ECPAS: variants seen among roughly 807,000 people sequenced by gnomAD.
The protein encoded by ECPAS is Ecm29 proteasome adaptor and scaffold, also known as proteasome adapter and scaffold protein ECM29.
In ECPAS, 70 loss-of-function variants were observed where a neutral mutation model predicts 255.1. The ratio of observed to expected loss-of-function variants is 0.27; its 90% CI spans 0.23 to 0.33. The LOEUF (loss-of-function observed/expected upper bound fraction) is 0.33, where lower values mean the gene tolerates loss of function less well. Ranked by LOEUF, ECPAS falls within the 10% of genes least tolerant of loss-of-function variation. The pLI, the probability that ECPAS is intolerant of heterozygous loss-of-function variation, is 1.00. For missense variants in ECPAS, 1,817 were observed against 2,206.4 expected (o/e 0.82, Z 3.54); for synonymous variants, 784 against 775.0 (o/e 1.01, Z -0.19).
chr9:111,374,823 G>A (rs1418305874), intron 38 of ECPAS, among the ~76,000 whole-genome samples: 1 of 152,144 alleles, frequency 6.6e-6, no homozygotes, highest in African/African-American at 2.4e-5. Context: ...ATAACTGGAT[G>A]TGCATTTCCA....
chr9:111,376,174 C>T (rs1407515882), intron 37 of ECPAS, among the ~76,000 whole-genome samples: 3 of 152,184 alleles, frequency 2.0e-5, no homozygotes, highest in Non-Finnish European at 4.4e-5. Flanking sequence ...ACAGGCACAA[C>T]TCTGAACCTT....
Position 111,371,684 on chromosome 9 carries a change from T to G in ECPAS, c.4674A>C (p.Pro1558=), listed in dbSNP as rs771259015. 6.2e-7 allele frequency: 1 copy of G among 1,613,886 alleles called. No homozygotes were observed. Among genetic ancestry groups the G allele is most frequent in the Non-Finnish European group, 8.5e-7 (1 of 1,179,812 alleles). The change falls in exon 43 of 50, where the codon CCA becomes CCC. Residue 1558 remains proline, a synonymous_variant. Transcript: ENST00000684092. ...IAKQTSSLVP[P]YLGMILTALL... is the part of the protein sequence containing the mutation. ...ATGCGGTCAGTATCATTCCGAGATA[T>G]GGAGGTACTAGAGAGCTAGTCTGTT...
chr9:111,364,146 C>T (rs777967075), intron 48 of ECPAS, among the ~76,000 whole-genome samples: 12 of 152,106 alleles, frequency 7.9e-5, no homozygotes, highest in Non-Finnish European at 1.5e-4. Context: ...CCAACAACTG[C>T]GAATGAAACA....
chr9:111,452,903 G>A (rs2098262215), intron 2 of ECPAS, among the ~76,000 whole-genome samples: 1 of 152,124 alleles, frequency 6.6e-6, no homozygotes, highest in Non-Finnish European at 1.5e-5. Context: ...GATTGGGGCA[G>A]GTCAAAAACA....
At chr9:111,435,244 A>G (rs1320775237) in intron 7 of ECPAS, among the ~76,000 whole-genome samples, 1 of 152,166 alleles carries the variant, frequency 6.6e-6, no homozygotes, top group East Asian at 1.9e-4. Context: ...TTGAATATTT[A>G]CATTGTTTAT....
At chr9:111,422,326 T>C (rs1054782082) in intron 13 of ECPAS, 126 bp from the exon 14 acceptor site, 11 of 916,920 alleles carry the variant, frequency 1.2e-5, no homozygotes, top group African/African-American at 1.7e-5. Context: ...TTACCCGCTC[T>C]GAGAGCCAAA....
intron 15 of ECPAS, 101 bp from the exon 16 acceptor site, chr9:111,420,221 T>A: frequency 1.4e-6 from 1 of 696,654 alleles, no homozygotes; most frequent in Middle Eastern, 2.5e-4. Flanking sequence ...TCTTCCTAAC[T>A]GTAAACAATT....
At chr9:111,464,909 C>T (rs930282962) in intron 2 of ECPAS, among the ~76,000 whole-genome samples, 7 of 152,116 alleles carry the variant, frequency 4.6e-5, no homozygotes, top group Non-Finnish European at 1.0e-4. Context: ...TAAGGCCGGG[C>T]GTGGTGGCTC....
intron 16 of ECPAS, 56 bp from the exon 17 acceptor site, chr9:111,418,062 C>G (rs2098207147): frequency 6.8e-7 from 1 of 1,479,590 alleles, no homozygotes; most frequent in Admixed American, 2.5e-5. Flanking sequence ...GGGAAATGAT[C>G]ATTTGAAGAA....
At chr9:111,391,108 T>G (rs2098159192) in intron 29 of ECPAS, among the ~76,000 whole-genome samples, 1 of 152,120 alleles carries the variant, frequency 6.6e-6, no homozygotes, top group Non-Finnish European at 1.5e-5. Flanking sequence ...CTGTGCCAGC[T>G]CAGAGCTCCT....
At chr9:111,436,831 T>A (rs981461601) in intron 7 of ECPAS, 109 bp downstream of exon 7, 15 of 958,616 alleles carry the variant, frequency 1.6e-5, no homozygotes, top group Non-Finnish European at 2.3e-5. Context: ...TCAAACATAT[T>A]TCACTGGAGA....
intron 2 of ECPAS, among the ~76,000 whole-genome samples, chr9:111,469,322 G>A (rs920940027): frequency 3.9e-5 from 6 of 151,992 alleles, no homozygotes; most frequent in African/African-American, 1.4e-4. Context: ...CACGAGGTCA[G>A]GTGAATTTGA....
At chr9:111,388,549 A>G (rs533547841) in intron 31 of ECPAS, among the ~76,000 whole-genome samples, 2 of 152,114 alleles carry the variant, frequency 1.3e-5, no homozygotes, top group South Asian at 4.2e-4. Flanking sequence ...CATGGAATTT[A>G]TTTAAAGTGA....
At position 111,421,962 on chromosome 9, in the gene ECPAS, G is replaced by T. The variant is rs1564534177; in HGVS notation, c.1414C>A (p.Arg472=). The T allele has an allele frequency of 1.9e-6, 3 of 1,613,534 alleles. No individual in the cohort carries two copies. The highest frequency in any genetic ancestry group is 2.5e-6 in the Non-Finnish European group (3 of 1,179,716). The part of the protein sequence containing the change: ...GAYSTLEGAQ[R]TLMEALVASY... ...GCCACAAGTGCCTCCATGAGAGTTC[G>T]CTGTGCCCCTTCCAAAGTACTATAC... Residue 472 remains arginine, a synonymous_variant, in exon 15 of 50, where the codon CGA becomes AGA. Coordinates refer to ENST00000684092, the MANE Select transcript of ECPAS (RefSeq NM_001364929.1).
At chr9:111,478,865 G>A (rs922966096) in intron 1 of ECPAS, among the ~76,000 whole-genome samples, 6 of 152,100 alleles carry the variant, frequency 3.9e-5, no homozygotes, top group African/African-American at 1.4e-4. Context: ...TAATTCCTTT[G>A]GTGGGCTTTG....
intron 2 of ECPAS, 41 bp downstream of exon 2, chr9:111,472,856 C>CAA: frequency 1.4e-6 from 1 of 690,570 alleles, no homozygotes; most frequent in Non-Finnish European, 2.1e-6. Context: ...AATGCTGCTA[C>CAA]AAAAAAAATG....
intron 24 of ECPAS, among the ~76,000 whole-genome samples, chr9:111,404,142 A>C (rs1217616577): frequency 6.7e-6 from 1 of 149,876 alleles, no homozygotes; most frequent in African/African-American, 2.5e-5. Flanking sequence ...TAGTAATAAA[A>C]GTACAAAGTA....
intron 11 of ECPAS, 67 bp downstream of exon 11, chr9:111,425,676 T>C (rs2098220496): frequency 2.9e-6 from 3 of 1,047,248 alleles, no homozygotes; most frequent in African/African-American, 1.6e-5. Flanking sequence ...AGTAAAACGA[T>C]ACACTTGAAG....
At chr9:111,451,240 G>A (rs1589216961) in intron 3 of ECPAS, among the ~76,000 whole-genome samples, 185 bp downstream of exon 3, 1 of 152,152 alleles carries the variant, frequency 6.6e-6, no homozygotes, top group East Asian at 1.9e-4. Context: ...GCTAAATGCA[G>A]CTGTGCTAAG....
Sources: gnomAD v4.1 joint callset for allele counts (sites outside exome capture counted in the v4.1 genomes callset) on GRCh38, gnomAD v4.1.1 for gene constraint, MANE v1.5 for transcripts, NCBI Gene and HGNC (gene_info 2026-07-23, HGNC 2026-07-21) for gene names.